PRKCQ: variants seen among roughly 807,000 people sequenced by gnomAD.
PRKCQ encodes the protein protein kinase C theta type.
Under a neutral mutation model 91.2 loss-of-function variants are expected in PRKCQ, and 41 were observed. The observed-to-expected ratio is 0.45, with a 90% CI of 0.35 to 0.58. The LOEUF is 0.58. Among genes scored for constraint, PRKCQ ranks in the 20% least tolerant of loss-of-function variants. The pLI is 0.00. For synonymous variants in PRKCQ, 307 were observed against 316.9 expected (o/e 0.97, Z 0.33); for missense variants, 673 against 896.5 (o/e 0.75, Z 3.18).
intron 16 of PRKCQ, among the ~76,000 whole-genome samples, chr10:6,440,422 G>A (rs1833912171): frequency 6.6e-6 from 1 of 152,220 alleles, no homozygotes; most frequent in South Asian, 2.1e-4. Context: ...ACCTAGTAGA[G>A]TGCCTCATTG....
rs1409042823 is a variant in PRKCQ, at chr10:6,562,817, T to C, written c.-10+17394A>G. ...TTTCTTATCTGAAAAATGAGGATCA[T>C]AATAGGATTAAATGGGTTAATGGAT... On this transcript the variant is annotated intron_variant, in intron 1 of 17. Transcript: ENST00000263125. 8.5e-5 allele frequency among the ~76,000 whole-genome samples: 13 copies of C among 152,264 alleles called. No individual in the cohort carries two copies. In the East Asian group the frequency reaches 2.5e-3, roughly 29 times the overall value.
At chr10:6,397,856 T>C in the PRKCQ span, among the ~76,000 whole-genome samples, 1 of 151,848 alleles carries the variant, frequency 6.6e-6, no homozygotes, top group Admixed American at 6.6e-5. Context: ...ACCTGGGAGA[T>C]GGAGGTTGTA....
At chr10:6,572,008 T>C (rs1422829101) in intron 1 of PRKCQ, among the ~76,000 whole-genome samples, 1 of 152,120 alleles carries the variant, frequency 6.6e-6, no homozygotes, top group African/African-American at 2.4e-5. Flanking sequence ...ATCAAGTTTC[T>C]TAACCTGCAC....
chr10:6,548,174 C>T (rs2130928870), intron 1 of PRKCQ, among the ~76,000 whole-genome samples: 2 of 150,630 alleles, frequency 1.3e-5, no homozygotes, highest in East Asian at 3.9e-4. Flanking sequence ...AAATCAAAAC[C>T]ACAATGAGAT....
chr10:6,487,102 C>A (rs1364640533), intron 8 of PRKCQ, among the ~76,000 whole-genome samples: 1 of 152,150 alleles, frequency 6.6e-6, no homozygotes, highest in Admixed American at 6.5e-5. Context: ...AGCACATTCC[C>A]CAGTTTCCAG....
At chr10:6,471,909 T>C (rs540657643) in intron 12 of PRKCQ, among the ~76,000 whole-genome samples, 34 of 152,228 alleles carry the variant, frequency 2.2e-4, no homozygotes, top group Admixed American at 5.9e-4. Flanking sequence ...TTTTGGGACT[T>C]TGTGAGAATG....
intron 10 of PRKCQ, among the ~76,000 whole-genome samples, chr10:6,483,951 G>T (rs978855887): frequency 6.6e-6 from 1 of 152,074 alleles, no homozygotes; most frequent in African/African-American, 2.4e-5. Context: ...GGACATCTAG[G>T]GATTTTAACC....
At chr10:6,558,140 G>A (rs927370154) in intron 1 of PRKCQ, among the ~76,000 whole-genome samples, 11 of 152,046 alleles carry the variant, frequency 7.2e-5, no homozygotes, top group Admixed American at 3.3e-4. Flanking sequence ...CTCTTTGTCT[G>A]AACTATAAAG....
intron 1 of PRKCQ, among the ~76,000 whole-genome samples, chr10:6,519,280 C>T (rs1036792366): frequency 6.6e-6 from 1 of 152,182 alleles, no homozygotes; most frequent in Non-Finnish European, 1.5e-5. Flanking sequence ...GATCTGTCCT[C>T]TGTGCACTCT....
chr10:6,515,183 T>C (rs1205036658), intron 1 of PRKCQ, 39 bp from the exon 2 acceptor site: 2 of 1,609,090 alleles, frequency 1.2e-6, no homozygotes, highest in Admixed American at 3.4e-5. Context: ...TTGGGGGCTA[T>C]AAAAGATATT....
intron 1 of PRKCQ, among the ~76,000 whole-genome samples, chr10:6,579,775 G>A (rs1285763402): frequency 6.7e-6 from 1 of 148,782 alleles, no homozygotes; most frequent in African/African-American, 2.5e-5. Flanking sequence ...TACATTCCCA[G>A]AAAAGGGGTT....
At chr10:6,525,200 A>G (rs1031961434) in intron 1 of PRKCQ, among the ~76,000 whole-genome samples, 1 of 151,636 alleles carries the variant, frequency 6.6e-6, no homozygotes, top group Non-Finnish European at 1.5e-5. Context: ...TGTGGTAAAA[A>G]CGATAATTAT....
the PRKCQ span, among the ~76,000 whole-genome samples, chr10:6,407,272 T>G: frequency 4.0e-5 from 5 of 125,028 alleles, no homozygotes; most frequent in Admixed American, 1.7e-4. This position sits in a 1 kb window ranked among gnomAD's most constrained non-coding sequence, Gnocchi z 4.0. Flanking sequence ...GGTGCCGGGG[T>G]GTGGGGGGTG....
intron 8 of PRKCQ, among the ~76,000 whole-genome samples, chr10:6,489,108 T>C (rs1441633817): frequency 6.6e-6 from 1 of 152,112 alleles, no homozygotes; most frequent in Non-Finnish European, 1.5e-5. Flanking sequence ...AAAGGATTTT[T>C]TTTTTTCATG....
At chr10:6,462,270 T>C (rs541610169) in intron 14 of PRKCQ, 33 bp downstream of exon 14, 2 of 1,579,798 alleles carry the variant, frequency 1.3e-6, no homozygotes, top group East Asian at 2.2e-5. Context: ...AAAGCCGATA[T>C]CTTAGCATTT....
chr10:6,491,532 T>C (rs1837297810), intron 8 of PRKCQ, 151 bp downstream of exon 8: 1 of 1,057,978 alleles, frequency 9.5e-7, no homozygotes, highest in East Asian at 2.6e-5. Flanking sequence ...TAGTGGCTTA[T>C]TGCCCCAGAA....
intron 8 of PRKCQ, chr10:6,489,263 T>A (rs74997496): frequency 2.2e-6 from 1 of 444,648 alleles, no homozygotes; most frequent in Non-Finnish European, 4.7e-6. Flanking sequence ...TCAGCTAGGA[T>A]TGAACATAGA....
intron 1 of PRKCQ, among the ~76,000 whole-genome samples, chr10:6,539,043 C>T (rs1033917033): frequency 2.0e-5 from 3 of 152,076 alleles, no homozygotes; most frequent in African/African-American, 4.8e-5. Context: ...GGATTACAGG[C>T]GTGATGAATT....
At chr10:6,501,798 T>C (rs1011618342) in intron 4 of PRKCQ, among the ~76,000 whole-genome samples, 1 of 151,474 alleles carries the variant, frequency 6.6e-6, no homozygotes, top group Admixed American at 6.6e-5. Context: ...CACTCCAGCC[T>C]GGGCGACATG....
Sources: allele counts gnomAD v4.1 joint callset (sites outside exome capture counted in the v4.1 genomes callset), GRCh38; gene constraint gnomAD v4.1.1; non-coding constraint Gnocchi (gnomAD v3.1); transcripts MANE v1.5; gene names NCBI Gene and HGNC (gene_info 2026-07-23, HGNC 2026-07-21).